NAA15: variants seen among roughly 807,000 people sequenced by gnomAD.
The protein encoded by NAA15 is N-alpha-acetyltransferase 15, NatA auxiliary subunit, also known as N-terminal acetyltransferase.
In NAA15, 34 loss-of-function variants were observed where a neutral mutation model predicts 114.0. The observed-to-expected ratio is 0.30, with a 90% CI of 0.23 to 0.40. NAA15 has a LOEUF of 0.40. Among genes scored for constraint, NAA15 ranks in the 10% least tolerant of loss-of-function variants. NAA15 has a pLI of 1.00. For synonymous variants in NAA15, 340 were observed against 338.0 expected (o/e 1.01, Z -0.06); for missense variants, 658 against 1,004.5 (o/e 0.66, Z 4.66).
At chr4:139,343,172 C>T (rs1218219517) in intron 5 of NAA15, among the ~76,000 whole-genome samples, 2 of 152,162 alleles carry the variant, frequency 1.3e-5, no homozygotes, top group Non-Finnish European at 2.9e-5. Context: ...ATCTATTTAT[C>T]TATTTTAATT....
In NAA15 at chr4:139,340,906, C is replaced by G; in HGVS notation, c.245-6C>G. ...TGTAGGTTGTACCCTTAACTAAATT[C>G]TTTAGGTTGGCACGTTTATGGCCTT... is the stretch of plus-strand genomic sequence containing the variant. On this transcript the variant is annotated splice_region_variant and splice_polypyrimidine_tract_variant and intron_variant, in intron 3 of 19. Transcript: ENST00000296543. 6.5e-7 allele frequency: 1 copy of G among 1,531,988 alleles called. No homozygotes were observed. Among genetic ancestry groups the G allele is most frequent in the Non-Finnish European group, 8.7e-7 (1 of 1,143,950 alleles). The allele number at this position is 1,531,988 out of a possible 1,614,324, so 94.9% of individuals were successfully genotyped here.
chr4:139,371,497 GCA>G (rs35581039), intron 15 of NAA15, among the ~76,000 whole-genome samples: 3,693 of 113,628 alleles, frequency 0.033, 104 homozygotes, highest in African/African-American at 0.065. Flanking sequence ...AAGAAAAGTA[GCA>G]CACACACACA....
At chr4:139,381,196 T>A (rs1748745173) in intron 17 of NAA15, among the ~76,000 whole-genome samples, 1 of 152,194 alleles carries the variant, frequency 6.6e-6, no homozygotes, top group Non-Finnish European at 1.5e-5. Flanking sequence ...AGGAGCACTG[T>A]CTTTTTCTTA....
At chr4:139,311,096 G>A (rs1291444901) in intron 1 of NAA15, among the ~76,000 whole-genome samples, 1 of 151,620 alleles carries the variant, frequency 6.6e-6, no homozygotes, top group Non-Finnish European at 1.5e-5. Flanking sequence ...GGCTAAACAG[G>A]TGTCCTTTAA....
chr4:139,371,474 TAAAA>T (rs771223256), intron 15 of NAA15, among the ~76,000 whole-genome samples: 2 of 78,020 alleles, frequency 2.6e-5, no homozygotes, highest in Non-Finnish European at 2.7e-5. Context: ...CTCTGTCTCT[TAAAA>T]AAAAAAAAAA....
rs748890875 is a variant in NAA15 at position 139,388,011 on chromosome 4, A to T, written c.2528A>T (p.Tyr843Phe). Residue 843 changes from tyrosine to phenylalanine, a missense_variant, in exon 20 of 20, where the codon TAT becomes TTT. Transcript: ENST00000296543. ...GCTTTGGCTTTCATGCCTCCTGGAT[A>T]TGAAGAGGATATGAAGATCACAGTT... ...PYALAFMPPGYEEDMKITVNG... is the reference protein window; with the variant it reads ...PYALAFMPPGFEEDMKITVNG... The T allele has an allele frequency of 6.2e-7, 1 of 1,614,010 alleles. No individual in the cohort carries two copies. The highest frequency in any genetic ancestry group is 1.7e-5 in the Admixed American group (1 of 60,022).
intron 1 of NAA15, among the ~76,000 whole-genome samples, chr4:139,304,879 C>T (rs540995496): frequency 2.1e-3 from 315 of 152,210 alleles, no homozygotes; most frequent in Admixed American, 4.1e-3. Flanking sequence ...CTCCAGCAAC[C>T]GGTACATGTC....
chr4:139,331,663 C>T (rs539624982), intron 1 of NAA15, among the ~76,000 whole-genome samples: 157 of 145,878 alleles, frequency 1.1e-3, no homozygotes, highest in Non-Finnish European at 1.7e-3. Context: ...AAGAGTTTCA[C>T]CACGTTGGTC....
chr4:139,386,884 A>G (rs1446586951), intron 19 of NAA15, among the ~76,000 whole-genome samples: 2 of 152,208 alleles, frequency 1.3e-5, no homozygotes, highest in Non-Finnish European at 2.9e-5. Context: ...AACTTGTAAT[A>G]CAATATGAGA....
chr4:139,356,077 C>T (rs958083112), intron 10 of NAA15, among the ~76,000 whole-genome samples: 2 of 152,108 alleles, frequency 1.3e-5, no homozygotes, highest in Admixed American at 6.5e-5. Flanking sequence ...ACAGCAAATA[C>T]GTTTTTAAAA....
At chr4:139,358,592 G>A (rs1310569152) in intron 11 of NAA15, among the ~76,000 whole-genome samples, 2 of 151,952 alleles carry the variant, frequency 1.3e-5, no homozygotes, top group African/African-American at 4.8e-5. Context: ...GGGTACATGT[G>A]CACAACGTGC....
chr4:139,302,502 C>A (rs1239438144), intron 1 of NAA15: 2 of 152,238 alleles, frequency 1.3e-5, no homozygotes, highest in East Asian at 3.8e-4. Flanking sequence ...GCATTTATTT[C>A]TTAGTTTCCG....
At chr4:139,338,706 C>T (rs1430832559) in intron 3 of NAA15, among the ~76,000 whole-genome samples, 1 of 152,096 alleles carries the variant, frequency 6.6e-6, no homozygotes, top group Non-Finnish European at 1.5e-5. Flanking sequence ...TCTTGGCCTT[C>T]GAAAGTGCTG....
At chr4:139,387,757 G>C (rs1748947641) in intron 19 of NAA15, 127 bp from the exon 20 acceptor site, 12 of 706,830 alleles carry the variant, frequency 1.7e-5, no homozygotes. Context: ...GCATATGCAG[G>C]AGTAAATAGC....
chr4:139,314,387 A>G (rs1004382370), intron 1 of NAA15, among the ~76,000 whole-genome samples: 13 of 151,922 alleles, frequency 8.6e-5, no homozygotes, highest in Non-Finnish European at 8.8e-5. Context: ...CATAGAAGCA[A>G]ACATGAAATT....
At chr4:139,321,272 A>G (rs955041508) in intron 1 of NAA15, among the ~76,000 whole-genome samples, 14 of 152,100 alleles carry the variant, frequency 9.2e-5, no homozygotes, top group African/African-American at 3.4e-4. Flanking sequence ...TTTTAAAAAT[A>G]GTTTCCATTT....
chr4:139,325,131 A>G (rs1386567428), intron 1 of NAA15, among the ~76,000 whole-genome samples: 1 of 151,498 alleles, frequency 6.6e-6, no homozygotes, highest in East Asian at 1.9e-4. Context: ...TTTAGTTTTT[A>G]ATTTTCCTGT....
chr4:139,348,143 C>T (rs892475412), intron 6 of NAA15, among the ~76,000 whole-genome samples: 1 of 151,222 alleles, frequency 6.6e-6, no homozygotes, highest in African/African-American at 2.4e-5. Flanking sequence ...AATTAGTTAA[C>T]GCATGTGAAG....
At chr4:139,352,124 T>G (rs184122076) in intron 9 of NAA15, among the ~76,000 whole-genome samples, 3 of 152,284 alleles carry the variant, frequency 2.0e-5, no homozygotes, top group Admixed American at 6.5e-5. Context: ...TTTTTTTTCT[T>G]TTGAGACTGA....
Sources: allele counts gnomAD v4.1 joint callset (sites outside exome capture counted in the v4.1 genomes callset), GRCh38; gene constraint gnomAD v4.1.1; transcripts MANE v1.5; gene names NCBI Gene and HGNC (gene_info 2026-07-23, HGNC 2026-07-21).